Variants in ROBO2 observed in about 807,000 individuals in gnomAD.
ROBO2 encodes the protein roundabout homolog 2.
A neutral mutation model predicts 160.8 loss-of-function variants in ROBO2; 53 were observed. The observed-to-expected ratio is 0.33, with a 90% CI of 0.26 to 0.41. ROBO2 has a LOEUF of 0.41. Among genes scored for constraint, ROBO2 ranks in the 10% least tolerant of loss-of-function variants. The probability of loss-of-function intolerance (pLI) is 1.00; values close to 1 mark genes in which losing one functional copy is unlikely to be tolerated. For missense variants in ROBO2, 1,577 were observed against 1,722.4 expected, an observed-to-expected ratio of 0.92 and a Z score of 1.49; for synonymous variants, 664 against 611.7, an observed-to-expected ratio of 1.09 and a Z score of -1.26.
chr3:76,997,842 G>T (rs1251150312), intron 2 of ROBO2, among the ~76,000 whole-genome samples: 1 of 152,152 alleles, frequency 6.6e-6, no homozygotes, highest in African/African-American at 2.4e-5. Context: ...CTGTTGTATT[G>T]CAGCAGTTGC....
At chr3:75,980,564 T>C (rs1454516337) in intron 2 of ROBO2, among the ~76,000 whole-genome samples, 1 of 151,586 alleles carries the variant, frequency 6.6e-6, no homozygotes, top group Non-Finnish European at 1.5e-5. Context: ...TAGTTTATTT[T>C]CACATGAAAT....
rs1314105682 is a variant in ROBO2 at position 76,449,134 on chromosome 3, A to G, written c.109+511532A>G. On this transcript the variant is annotated intron_variant, in intron 2 of 26. Transcript: ENST00000487694. Reference sequence around the variant, plus strand: ...ACAGGGTTCTCCAAAACGTATGGAAATGTCCCCTTAATAGAAAAAATGTTT... The same window carrying G: ...ACAGGGTTCTCCAAAACGTATGGAAGTGTCCCCTTAATAGAAAAAATGTTT... Among the ~76,000 whole-genome samples the G allele has an allele frequency of 5.9e-5, 9 of 152,180 alleles. No homozygotes were observed. In the East Asian group the frequency reaches 1.7e-3, roughly 29 times the overall value.
At chr3:76,760,681 A>G (rs2061255702) in intron 2 of ROBO2, among the ~76,000 whole-genome samples, 1 of 149,988 alleles carries the variant, frequency 6.7e-6, no homozygotes, top group African/African-American at 2.5e-5. Context: ...GCTGGGGGAA[A>G]TGAATGGATT....
At chr3:76,354,413 T>G (rs1422596628) in intron 2 of ROBO2, among the ~76,000 whole-genome samples, 1 of 151,900 alleles carries the variant, frequency 6.6e-6, no homozygotes, top group African/African-American at 2.4e-5. Context: ...TAAATCTCTT[T>G]TGATGGTGTG....
intron 2 of ROBO2, among the ~76,000 whole-genome samples, chr3:76,168,946 T>C (rs2072934635): frequency 6.6e-6 from 1 of 151,786 alleles, no homozygotes; most frequent in African/African-American, 2.4e-5. Flanking sequence ...TTTATATAGA[T>C]TATTTATTTT....
rs1707621574 is a variant in ROBO2, at chr3:76,272,922, A to ATAAAATATATAATG, written c.109+335322_109+335323insAAATATATAATGTA. Among the ~76,000 whole-genome samples the ATAAAATATATAATG allele has an allele frequency of 8.7e-5, 2 of 23,092 alleles. 1 individual carries two copies. The highest frequency in any genetic ancestry group is 1.7e-4 in the African/African-American group (2 of 11,528). 15.1% of individuals were successfully genotyped at this position (23,092 alleles called of 152,430 possible). On this transcript the variant is annotated intron_variant, in intron 2 of 26. Coordinates refer to the ROBO2 transcript ENST00000487694. ...TAATATATATTTATATATAAAATAT[A>ATAAAATATATAATG]TATATTTATATATAAATATATAAAA...
chr3:76,579,111 C>A (rs1446911014), intron 2 of ROBO2, among the ~76,000 whole-genome samples: 2 of 152,068 alleles, frequency 1.3e-5, no homozygotes, highest in African/African-American at 4.8e-5. Flanking sequence ...CCTATATTTT[C>A]TTTTATATTC....
At chr3:77,114,195 C>A (rs1017638655) in intron 2 of ROBO2, among the ~76,000 whole-genome samples, 1 of 152,252 alleles carries the variant, frequency 6.6e-6, no homozygotes, top group African/African-American at 2.4e-5. Context: ...CTAGACTAAG[C>A]ATTTGCCCTC....
intron 2 of ROBO2, among the ~76,000 whole-genome samples, chr3:76,127,624 T>C (rs1044405364): frequency 2.0e-5 from 3 of 151,686 alleles, no homozygotes; most frequent in Admixed American, 6.6e-5. Context: ...ACATATACTA[T>C]CAAGACAGTA....
intron 2 of ROBO2, among the ~76,000 whole-genome samples, chr3:76,034,763 T>C (rs1249824251): frequency 1.3e-5 from 2 of 152,108 alleles, no homozygotes; most frequent in Non-Finnish European, 2.9e-5. Context: ...AAAGTGAAAA[T>C]TCCTTCGTGT....
chr3:76,027,413 C>T lies in ROBO2; in HGVS notation c.109+89811C>T, dbSNP rs116647659. Among the ~76,000 whole-genome samples the T allele has an allele frequency of 4.4e-3, 674 of 151,870 alleles. 12 individuals are homozygous for T. The highest frequency in any genetic ancestry group is 0.026 in the Admixed American group (397 of 15,210). ...TTCATTGTAGAGTAGGCATGCAATG[C>T]TTTTAATTTCAATTAATAAGTTAAT... On this transcript the variant is annotated intron_variant, in intron 2 of 26. Transcript: ENST00000487694.
At chr3:76,988,355 A>G (rs2060495548) in intron 2 of ROBO2, among the ~76,000 whole-genome samples, 1 of 152,132 alleles carries the variant, frequency 6.6e-6, no homozygotes. Context: ...GAAGTAGTAA[A>G]TTGAGAATTG....
chr3:76,234,957 G>T (rs1055317271), intron 2 of ROBO2, among the ~76,000 whole-genome samples: 1 of 151,394 alleles, frequency 6.6e-6, no homozygotes, highest in Non-Finnish European at 1.5e-5. Context: ...AGATGGTTTA[G>T]AAGATAAAAA....
intron 2 of ROBO2, among the ~76,000 whole-genome samples, chr3:76,520,086 C>G (rs1031305483): frequency 2.0e-5 from 3 of 152,154 alleles, no homozygotes. Context: ...GGCTGCTTCC[C>G]TTCTTCCCTT....
At chr3:76,969,808 T>C (rs2149276201) in intron 2 of ROBO2, among the ~76,000 whole-genome samples, 1 of 152,040 alleles carries the variant, frequency 6.6e-6, no homozygotes, top group East Asian at 1.9e-4. Context: ...AAGAGCTCTG[T>C]GTGTGTGTTA....
chr3:76,804,243 C>G (rs571290110), intron 2 of ROBO2, among the ~76,000 whole-genome samples: 2 of 152,098 alleles, frequency 1.3e-5, no homozygotes, highest in Non-Finnish European at 2.9e-5. Context: ...GGGAAGGGAA[C>G]CTTCTCTGAG....
At chr3:76,369,501 A>C (rs571760110) in intron 2 of ROBO2, among the ~76,000 whole-genome samples, 6 of 152,116 alleles carry the variant, frequency 3.9e-5, no homozygotes, top group Middle Eastern at 3.4e-3. Context: ...TCTCTTTCTC[A>C]GAATTCCTAG....
intron 15 of ROBO2, 64 bp downstream of exon 16, chr3:77,577,678 A>C: frequency 2.6e-6 from 4 of 1,561,242 alleles, no homozygotes; most frequent in Admixed American, 1.7e-5. Flanking sequence ...TCAGTGTCTC[A>C]CGAATGAGAC....
Position 77,484,940 on chromosome 3 carries a change from C to T in ROBO2, c.667+3721C>T, listed in dbSNP as rs547424607. ...ATTTACTTATGCTTTCTATACCTGT[C>T]ATGAATTCTTGAAATCTCTAACAGA... On this transcript the variant is annotated intron_variant, in intron 4 of 25. Transcript: ENST00000461745. Among the ~76,000 whole-genome samples, 3 of 152,094 alleles carry T rather than the reference C, an allele frequency of 2.0e-5. No individual in the cohort carries two copies. The East Asian group carries it at 5.8e-4, about 29-fold the overall frequency.
Sources: allele counts gnomAD v4.1 joint callset (sites outside exome capture counted in the v4.1 genomes callset), GRCh38; gene constraint gnomAD v4.1.1; transcripts MANE v1.5; gene names NCBI Gene and HGNC (gene_info 2026-07-23, HGNC 2026-07-21).